MYPN: variants seen among roughly 807,000 people sequenced by gnomAD.
The protein encoded by MYPN is myopalladin, also known as sarcomeric protein myopalladin, 145 kDa (MYOP).
A neutral mutation model predicts 129.4 loss-of-function variants in MYPN; 63 were observed. The observed-to-expected ratio is 0.49, with a 90% CI of 0.40 to 0.60. MYPN has a LOEUF of 0.60. MYPN is among the 20% of genes least tolerant of loss of function. MYPN has a pLI of 0.00. For synonymous variants in MYPN, 629 were observed against 600.9 expected (o/e 1.05, Z -0.68); for missense variants, 1,596 against 1,635.4 (o/e 0.98, Z 0.42).
intron 8 of MYPN, 23 bp from the exon 9 acceptor site, chr10:68,165,679 C>T: frequency 1.3e-6 from 2 of 1,527,342 alleles, no homozygotes; most frequent in Non-Finnish European, 1.8e-6. Flanking sequence ...AGTCAGTAAC[C>T]ATTCTGTTTC....
intron 18 of MYPN, among the ~76,000 whole-genome samples, chr10:68,204,009 T>C (rs1016552954): frequency 2.0e-5 from 3 of 152,218 alleles, no homozygotes; most frequent in African/African-American, 7.2e-5. Context: ...TTCCCTAATG[T>C]CTGTTATCCC....
chr10:68,158,896 G>A (rs1378037799), intron 7 of MYPN, among the ~76,000 whole-genome samples: 1 of 121,994 alleles, frequency 8.2e-6, no homozygotes, highest in Non-Finnish European at 1.8e-5. Flanking sequence ...TAAACACAGA[G>A]CCTCCTTACT....
chr10:68,202,100 A>G (rs1252014721), intron 18 of MYPN, 106 bp downstream of exon 18: 13 of 1,328,768 alleles, frequency 9.8e-6, no homozygotes, highest in Non-Finnish European at 1.4e-5. Context: ...CATTTAGAAT[A>G]ATGCATTTGC....
chr10:68,160,642 A>G (rs931585646), intron 7 of MYPN, among the ~76,000 whole-genome samples: 6 of 152,150 alleles, frequency 3.9e-5, no homozygotes, highest in Non-Finnish European at 7.4e-5. Flanking sequence ...TTGGCTGGGC[A>G]TGGTGGCTCA....
At chr10:68,136,487 C>T (rs2042489169) in intron 2 of MYPN, 1 of 1,238,288 alleles carries the variant, frequency 8.1e-7, no homozygotes, top group African/African-American at 1.5e-5. Context: ...CAAAAGTCTT[C>T]AGCATAGCAG....
intron 10 of MYPN, among the ~76,000 whole-genome samples, chr10:68,173,823 G>A (rs2043180391): frequency 7.2e-6 from 1 of 138,718 alleles, no homozygotes; most frequent in Non-Finnish European, 1.5e-5. Context: ...TAATATATAT[G>A]TATATATAAT....
At chr10:68,146,104 A>C (rs1012432781) in intron 4 of MYPN, among the ~76,000 whole-genome samples, 1 of 151,248 alleles carries the variant, frequency 6.6e-6, no homozygotes, top group Non-Finnish European at 1.5e-5. Flanking sequence ...AATCAAACAC[A>C]AAACAAACAG....
chr10:68,196,483 C>CTTTTTTTTTTTTT (rs71009021), intron 15 of MYPN, among the ~76,000 whole-genome samples: 28 of 112,500 alleles, frequency 2.5e-4, no homozygotes, highest in Non-Finnish European at 3.8e-4. Flanking sequence ...CCTTCTTCTT[C>CTTTTTTTTTTTTT]TTTTTTTTTT....
chr10:68,157,670 CAAAAAAA>C (rs71009010), intron 6 of MYPN, among the ~76,000 whole-genome samples: 104 of 84,876 alleles, frequency 1.2e-3, no homozygotes, highest in African/African-American at 4.3e-3. Context: ...CCTGTCTCTA[CAAAAAAA>C]AAAAAAAAAA....
intron 8 of MYPN, among the ~76,000 whole-genome samples, chr10:68,163,444 G>C (rs2043008664): frequency 6.6e-6 from 1 of 151,746 alleles, no homozygotes; most frequent in Non-Finnish European, 1.5e-5. Context: ...GGCTAACACG[G>C]TGAAACCCCG....
At position 68,175,536 on chromosome 10, in the gene MYPN, G is replaced by A. The variant is rs145984136; in HGVS notation, c.2703+75G>A. 2.5e-4 allele frequency: 383 copies of A among 1,530,888 alleles called. 2 individuals carry two copies. In the African/African-American group the frequency reaches 4.7e-3, roughly 19 times the overall value. The allele number at this position is 1,530,888 out of a possible 1,614,324, so 94.8% of individuals were successfully genotyped here. A position where few individuals can be genotyped will look rare whatever the true frequency, so the allele number is the denominator to read the frequency against. On this transcript the variant is annotated intron_variant, in intron 12 of 19. Coordinates refer to ENST00000358913, the MANE Select transcript of MYPN (RefSeq NM_032578.4). ...TTAATTTTGCTTGATTCAGTCCTCG[G>A]ATACTCAGGTAACCTCAGTGAGGCT...
chr10:68,198,472 C>T (rs2043648635), intron 16 of MYPN, among the ~76,000 whole-genome samples: 1 of 152,128 alleles, frequency 6.6e-6, no homozygotes, highest in Non-Finnish European at 1.5e-5. Flanking sequence ...CTATGGAAGA[C>T]TTAGATGCAA....
At chr10:68,197,564 G>T in intron 16 of MYPN, 86 bp downstream of exon 16, 1 of 1,571,370 alleles carries the variant, frequency 6.4e-7, no homozygotes. Flanking sequence ...TTGTTTTGTG[G>T]GTTTTTTTTT....
intron 2 of MYPN, among the ~76,000 whole-genome samples, chr10:68,125,641 T>G (rs1157950105): frequency 6.6e-6 from 1 of 152,234 alleles, no homozygotes; most frequent in African/African-American, 2.4e-5. Flanking sequence ...ATTTTTATAG[T>G]ACAAACTTTA....
intron 2 of MYPN, among the ~76,000 whole-genome samples, chr10:68,123,671 G>A (rs756482774): frequency 6.8e-6 from 1 of 147,264 alleles, no homozygotes. Flanking sequence ...GGGCGACAGA[G>A]CGAGACTCCT....
Position 68,182,553 on chromosome 10 carries a change from C to A in MYPN, c.2704-6352C>A, listed in dbSNP as rs2043354173. ...ATGGAGTTTTACTTTGTCGCCCAGG[C>A]TGGAGTGCAGTGGCATGATCTCGGC... On this transcript the variant is annotated intron_variant, in intron 12 of 19. Coordinates refer to ENST00000358913, the MANE Select transcript of MYPN (RefSeq NM_032578.4). Among the ~76,000 whole-genome samples, 3 of 149,796 alleles carry A rather than the reference C, an allele frequency of 2.0e-5. No individual in the cohort carries two copies. In the Admixed American group the frequency reaches 2.0e-4, roughly 10 times the overall value.
intron 1 of MYPN, among the ~76,000 whole-genome samples, chr10:68,110,370 T>C (rs376823020): frequency 6.6e-6 from 1 of 152,192 alleles, no homozygotes; most frequent in Non-Finnish European, 1.5e-5. Context: ...TTAGCAGTAA[T>C]AGATGCACAT....
intron 19 of MYPN, among the ~76,000 whole-genome samples, chr10:68,207,802 A>C (rs1387535821): frequency 6.6e-6 from 1 of 152,170 alleles, no homozygotes; most frequent in East Asian, 1.9e-4. Context: ...TTAACGCTGA[A>C]AATTACATGA....
intron 2 of MYPN, among the ~76,000 whole-genome samples, chr10:68,124,545 G>T (rs1454882971): frequency 6.6e-6 from 1 of 152,024 alleles, no homozygotes; most frequent in East Asian, 1.9e-4. Flanking sequence ...ATTGATTTTT[G>T]CTTTTCAAAG....
Sources: allele counts gnomAD v4.1 joint callset (sites outside exome capture counted in the v4.1 genomes callset), GRCh38; gene constraint gnomAD v4.1.1; transcripts MANE v1.5; gene names NCBI Gene and HGNC (gene_info 2026-07-23, HGNC 2026-07-21).